ABCG2: variants seen among roughly 807,000 people sequenced by gnomAD.
ABCG2 encodes ATP binding cassette subfamily G member 2 (JR blood group), also known as broad substrate specificity ATP-binding cassette transporter ABCG2.
ABCG2 carries 80 observed loss-of-function variants against 73.5 expected under a neutral mutation model. The observed-to-expected ratio is 1.09, with a 90% CI of 0.91 to 1.31. The LOEUF (loss-of-function observed/expected upper bound fraction) is 1.31. Among genes scored for constraint, ABCG2 ranks in the 50% most tolerant of loss-of-function variants. The probability of loss-of-function intolerance (pLI) is 0.00; values close to 1 mark genes in which losing one functional copy is unlikely to be tolerated. For missense variants in ABCG2, 796 were observed against 786.2 expected, an observed-to-expected ratio of 1.01 and a Z score of -0.15; for synonymous variants, 269 against 282.4, an observed-to-expected ratio of 0.95 and a Z score of 0.48.
chr4:88,107,492 T>C (rs1379583918), intron 9 of ABCG2, among the ~76,000 whole-genome samples: 1 of 152,156 alleles, frequency 6.6e-6, no homozygotes, highest in Non-Finnish European at 1.5e-5. Flanking sequence ...GGGAGAGTGG[T>C]AGGACACAAA....
At chr4:88,215,451 C>G (rs1373835669) in intron 1 of ABCG2, among the ~76,000 whole-genome samples, 2 of 152,178 alleles carry the variant, frequency 1.3e-5, no homozygotes, top group Admixed American at 1.3e-4. Context: ...CAGCCATTTA[C>G]TAACTTGACT....
intron 1 of ABCG2, among the ~76,000 whole-genome samples, chr4:88,219,576 A>ATTTTTTT (rs5860122): frequency 1.4e-4 from 13 of 90,890 alleles, no homozygotes; most frequent in Non-Finnish European, 1.8e-4. Context: ...TACCATTCAA[A>ATTTTTTT]TTTTTTTTTT....
chr4:88,106,218 A>G (rs1231859294), intron 10 of ABCG2, among the ~76,000 whole-genome samples: 1 of 152,062 alleles, frequency 6.6e-6, no homozygotes, highest in Non-Finnish European at 1.5e-5. Flanking sequence ...GCTCACTGCA[A>G]CCTAGAACTC....
At chr4:88,156,966 G>A (rs1726983745) in intron 1 of ABCG2, among the ~76,000 whole-genome samples, 1 of 152,174 alleles carries the variant, frequency 6.6e-6, no homozygotes, top group Admixed American at 6.5e-5. Context: ...TCTGGGCATG[G>A]TGGCAGGCGC....
chr4:88,221,727 TG>T (rs2110131295), intron 1 of ABCG2, among the ~76,000 whole-genome samples: 1 of 152,236 alleles, frequency 6.6e-6, no homozygotes, highest in African/African-American at 2.4e-5. Flanking sequence ...TGTGGAACTT[TG>T]AACTTGAGAG....
chr4:88,203,168 T>C (rs1729247011), intron 1 of ABCG2, among the ~76,000 whole-genome samples: 1 of 152,156 alleles, frequency 6.6e-6, no homozygotes. Context: ...TTCAAAACAT[T>C]GTATTGCAAA....
At chr4:88,169,719 G>A (rs1288904016) in intron 1 of ABCG2, among the ~76,000 whole-genome samples, 3 of 151,992 alleles carry the variant, frequency 2.0e-5, no homozygotes, top group African/African-American at 7.2e-5. Flanking sequence ...CGATGATTCC[G>A]TTTCTTCCTC....
intron 1 of ABCG2, among the ~76,000 whole-genome samples, chr4:88,196,094 A>ACCAT (rs112199075): frequency 1.3e-3 from 196 of 152,166 alleles, no homozygotes; most frequent in African/African-American, 4.3e-3. Context: ...CAACTGCCTG[A>ACCAT]CCATCACCTG....
chr4:88,097,524 C>G lies in ABCG2; in HGVS notation c.1576G>C (p.Ala526Pro), dbSNP rs1163196289. Residue 526 changes from alanine to proline, a missense_variant, in exon 13 of 16, where the codon GCC becomes CCC. Ala to Pro is a conservative substitution (Grantham distance 27). Coordinates refer to ENST00000237612, the MANE Select transcript of ABCG2 (RefSeq NM_004827.3). ...ACCACACTCTGACCTGCTGCTATGG[C>G]CAGTGCCATGGAACTGGCTGAATAA... ...VAYSASSMALAIAAGQSVVSV... is the reference protein window; with the variant it reads ...VAYSASSMALPIAAGQSVVSV... 1 of 1,614,062 alleles carries G rather than the reference C, an allele frequency of 6.2e-7. No homozygotes were observed. Among genetic ancestry groups the G allele is most frequent in the African/African-American group, 1.3e-5 (1 of 74,950 alleles).
At chr4:88,117,517 G>C (rs1456322304) in intron 7 of ABCG2, among the ~76,000 whole-genome samples, 1 of 151,908 alleles carries the variant, frequency 6.6e-6, no homozygotes, top group African/African-American at 2.4e-5. Flanking sequence ...GGCGCCTGCA[G>C]TCCCAGCTAC....
chr4:88,229,404 C>T lies in ABCG2; in HGVS notation c.-20+1590G>A, dbSNP rs144675430. ...CTGTAATCCCAGCACTTTAGGAGGC[C>T]GAGATGGGAGGATCGCATGAGCCCA... On this transcript the variant is annotated intron_variant, in intron 1 of 15. Coordinates refer to the ABCG2 transcript ENST00000515655. Among the ~76,000 whole-genome samples the T allele has an allele frequency of 2.5e-3, 373 of 152,126 alleles. 5 individuals carry two copies. Among genetic ancestry groups the T allele is most frequent in the Middle Eastern group, 0.017 (5 of 294 alleles).
At chr4:88,126,244 G>T (rs1459377987) in intron 5 of ABCG2, among the ~76,000 whole-genome samples, 1 of 152,198 alleles carries the variant, frequency 6.6e-6, no homozygotes, top group East Asian at 1.9e-4. Flanking sequence ...TCGAATCACT[G>T]AGTGGACCAA....
chr4:88,196,339 C>T (rs964231405), intron 1 of ABCG2, among the ~76,000 whole-genome samples: 12 of 152,122 alleles, frequency 7.9e-5, no homozygotes, highest in Admixed American at 2.0e-4. Context: ...GTTCATTGTT[C>T]CTAGCACAGA....
intron 1 of ABCG2, among the ~76,000 whole-genome samples, chr4:88,183,084 C>T (rs1560742530): frequency 2.2e-4 from 6 of 26,838 alleles, no homozygotes; most frequent in Non-Finnish European, 4.0e-4. Context: ...GACTCCGTCT[C>T]ATAAAAAAAA....
At chr4:88,143,578 CA>C (rs1181509611) in intron 1 of ABCG2, among the ~76,000 whole-genome samples, 1 of 152,116 alleles carries the variant, frequency 6.6e-6, no homozygotes, top group Non-Finnish European at 1.5e-5. Flanking sequence ...AATACAATCA[CA>C]ATCTTAGAAG....
At chr4:88,096,154 C>T (rs920680762) in intron 13 of ABCG2, among the ~76,000 whole-genome samples, 1 of 152,154 alleles carries the variant, frequency 6.6e-6, no homozygotes, top group Non-Finnish European at 1.5e-5. Flanking sequence ...AGAACTGATA[C>T]AGAGTATAAT....
intron 1 of ABCG2, among the ~76,000 whole-genome samples, chr4:88,219,381 A>C (rs1400175085): frequency 6.6e-6 from 1 of 152,202 alleles, no homozygotes; most frequent in Non-Finnish European, 1.5e-5. Flanking sequence ...ACGTATAAAA[A>C]AGGTAATTTC....
At chr4:88,134,252 G>A (rs561291419) in intron 2 of ABCG2, among the ~76,000 whole-genome samples, 1 of 152,292 alleles carries the variant, frequency 6.6e-6, no homozygotes, top group South Asian at 2.1e-4. Flanking sequence ...GCACCACAGT[G>A]CTTAAACCCA....
intron 5 of ABCG2, among the ~76,000 whole-genome samples, chr4:88,130,601 T>C (rs551059297): frequency 6.6e-6 from 1 of 152,142 alleles, no homozygotes; most frequent in Non-Finnish European, 1.5e-5. Flanking sequence ...GTGGCAAAAG[T>C]TGGGGACTGC....
Sources: allele counts gnomAD v4.1 joint callset (sites outside exome capture counted in the v4.1 genomes callset), GRCh38; gene constraint gnomAD v4.1.1; transcripts MANE v1.5; gene names NCBI Gene and HGNC (gene_info 2026-07-23, HGNC 2026-07-21).